Variants in FAM83B observed in about 807,000 individuals in gnomAD.
The protein encoded by FAM83B is protein FAM83B.
FAM83B carries 26 observed loss-of-function variants against 38.8 expected under a neutral mutation model. The ratio of observed to expected loss-of-function variants is 0.67; its 90% CI spans 0.49 to 0.93. The LOEUF (loss-of-function observed/expected upper bound fraction) is 0.93, where lower values mean the gene tolerates loss of function less well. Among genes scored for constraint, FAM83B ranks in the 40% least tolerant of loss-of-function variants. The pLI is 0.00. For missense variants in FAM83B, 1,237 were observed against 1,197.3 expected (o/e 1.03, Z -0.49); for synonymous variants, 419 against 423.1 (o/e 0.99, Z 0.12).
At chr6:54,927,050 T>C (rs1025647003) in intron 3 of FAM83B, among the ~76,000 whole-genome samples, 20 of 152,126 alleles carry the variant, frequency 1.3e-4, no homozygotes, top group Admixed American at 1.2e-3. Context: ...GGGTTTTATA[T>C]TGTGCTTTTC....
In FAM83B at chr6:54,940,362, G is replaced by A. The variant is rs147022305; in HGVS notation, c.1391G>A (p.Arg464Gln). 151 of 1,614,022 alleles carry A rather than the reference G, an allele frequency of 9.4e-5. No homozygotes were observed. The highest frequency in any genetic ancestry group is 1.1e-4 in the Non-Finnish European group (129 of 1,179,990). ...TNLADRNSNVRRSFNGTDNHI... is the reference protein window; with the variant it reads ...TNLADRNSNVQRSFNGTDNHI... ...CTTGCAGACAGGAATTCAAATGTTC[G>A]GAGGTCTTTTAATGGGACAGATAAC... The change falls in exon 5 of 5, where the codon CGG becomes CAG. Residue 464 changes from arginine (R) to glutamine (Q), a missense_variant. Coordinates refer to ENST00000306858, the MANE Select transcript of FAM83B (RefSeq NM_001010872.3).
At chr6:54,896,927 A>C (rs1208327854) in intron 2 of FAM83B, among the ~76,000 whole-genome samples, 1 of 152,256 alleles carries the variant, frequency 6.6e-6, no homozygotes, top group East Asian at 1.9e-4. Context: ...AAAAATAAAC[A>C]TAATTGAATA....
chr6:54,876,697 T>G (rs1007136277), intron 2 of FAM83B, among the ~76,000 whole-genome samples: 4 of 152,082 alleles, frequency 2.6e-5, no homozygotes, highest in Non-Finnish European at 5.9e-5. Flanking sequence ...CTTTAGTATT[T>G]TTAAATTCTC....
chr6:54,930,333 ATT>A (rs1424182121), intron 4 of FAM83B, among the ~76,000 whole-genome samples: 2 of 152,014 alleles, frequency 1.3e-5, no homozygotes, highest in Non-Finnish European at 2.9e-5. Context: ...CACATGAATG[ATT>A]TTCCCAAATG....
rs1484724237 is a variant in FAM83B, at chr6:54,855,931, T to C, written c.-61+9105T>C. Among the ~76,000 whole-genome samples, 3 of 152,366 alleles carry C rather than the reference T, an allele frequency of 2.0e-5. No individual in the cohort carries two copies. In the East Asian group the frequency reaches 5.8e-4, roughly 29 times the overall value. ...CTCCCAAATAATTCAGTTTATTTTG[T>C]ATACATATGATAAATATTTTTGATT... On this transcript the variant is annotated intron_variant, in intron 1 of 4. Transcript: ENST00000306858.
intron 2 of FAM83B, among the ~76,000 whole-genome samples, chr6:54,884,578 A>G (rs114617519): frequency 3.1e-3 from 468 of 151,594 alleles, no homozygotes; most frequent in African/African-American, 0.011. Context: ...CTTTCATATG[A>G]TGTGAGGCCA....
chr6:54,863,026 G>T (rs1771623377), intron 1 of FAM83B, among the ~76,000 whole-genome samples: 1 of 152,156 alleles, frequency 6.6e-6, no homozygotes, highest in South Asian at 2.1e-4. Context: ...GCGAGTTCTT[G>T]TCACTCTGGT....
chr6:54,891,803 A>G (rs1412633733), intron 2 of FAM83B, among the ~76,000 whole-genome samples: 2 of 152,034 alleles, frequency 1.3e-5, no homozygotes, highest in African/African-American at 2.4e-5. Context: ...GTCATCAGGC[A>G]CTGGGTTTTG....
chr6:54,861,536 C>T (rs933982594), intron 1 of FAM83B, among the ~76,000 whole-genome samples: 14 of 152,048 alleles, frequency 9.2e-5, no homozygotes, highest in African/African-American at 2.7e-4. Flanking sequence ...AGAGGAAGAC[C>T]CCACCTCCAA....
Position 54,942,205 on chromosome 6 carries a change from C to G in FAM83B, c.*198C>G, listed in dbSNP as rs1000833609. The stretch of plus-strand genomic sequence containing the variant: ...TGTAGATAGAATTTCTCTGTAAACA[C>G]ATTATTTGTAAGTGGTAATGGTAAA... On this transcript the variant is annotated 3_prime_UTR_variant, in exon 5 of 5. Transcript: ENST00000306858. 6.6e-6 allele frequency among the ~76,000 whole-genome samples: 1 copy of G among 152,116 alleles called. No homozygotes were observed.
At chr6:54,872,746 T>C (rs528433596) in intron 2 of FAM83B, among the ~76,000 whole-genome samples, 43 of 152,322 alleles carry the variant, frequency 2.8e-4, no homozygotes, top group African/African-American at 1.0e-3. Context: ...TCACTGTCCG[T>C]TGAGGACTCC....
intron 2 of FAM83B, among the ~76,000 whole-genome samples, chr6:54,886,626 C>A (rs1772281771): frequency 6.6e-6 from 1 of 151,578 alleles, no homozygotes; most frequent in Admixed American, 6.6e-5. Context: ...ATGATGTTAT[C>A]TTTTCATCCT....
chr6:54,897,014 C>A (rs1470948756), intron 2 of FAM83B, among the ~76,000 whole-genome samples: 1 of 152,154 alleles, frequency 6.6e-6, no homozygotes, highest in East Asian at 1.9e-4. Flanking sequence ...ACATTTGACA[C>A]CATCCTGTTA....
At chr6:54,877,301 C>T (rs554159018) in intron 2 of FAM83B, among the ~76,000 whole-genome samples, 5 of 150,866 alleles carry the variant, frequency 3.3e-5, no homozygotes, top group African/African-American at 1.2e-4. Flanking sequence ...CAAAAGTTAA[C>T]TTTCATGAAA....
chr6:54,869,294 A>G (rs1455663914), intron 1 of FAM83B, among the ~76,000 whole-genome samples: 3 of 152,148 alleles, frequency 2.0e-5, no homozygotes, highest in Admixed American at 6.5e-5. Flanking sequence ...GTTTTTGAAC[A>G]CTGAAACACT....
chr6:54,886,793 C>T (rs866446279), intron 2 of FAM83B, among the ~76,000 whole-genome samples: 1 of 151,546 alleles, frequency 6.6e-6, no homozygotes, highest in Non-Finnish European at 1.5e-5. Context: ...TTCTTGAATA[C>T]TTGAACTATT....
intron 1 of FAM83B, among the ~76,000 whole-genome samples, chr6:54,863,795 T>C (rs1245231667): frequency 6.6e-6 from 1 of 152,196 alleles, no homozygotes. Context: ...ATTTTACATA[T>C]CTGTTTTGGC....
At chr6:54,887,885 A>C (rs1368384030) in intron 2 of FAM83B, among the ~76,000 whole-genome samples, 1 of 151,824 alleles carries the variant, frequency 6.6e-6, no homozygotes, top group Non-Finnish European at 1.5e-5. Context: ...TATGTTCCCT[A>C]TAAACAGTGC....
At chr6:54,929,432 A>G (rs1038843319) in intron 4 of FAM83B, among the ~76,000 whole-genome samples, 67 of 152,274 alleles carry the variant, frequency 4.4e-4, no homozygotes, top group Admixed American at 5.9e-4. Context: ...TACCACAGTT[A>G]CACATTGTGT....
Sources: allele counts gnomAD v4.1 joint callset (sites outside exome capture counted in the v4.1 genomes callset), GRCh38; gene constraint gnomAD v4.1.1; transcripts MANE v1.5; gene names NCBI Gene and HGNC (gene_info 2026-07-23, HGNC 2026-07-21).